The following SERGEF variants were observed in gnomAD, a reference collection of about 807,000 sequenced individuals.
SERGEF encodes the protein secretion-regulating guanine nucleotide exchange factor.
SERGEF carries 51 observed loss-of-function variants against 50.0 expected under a neutral mutation model. The ratio of observed to expected loss-of-function variants is 1.02; its 90% CI spans 0.81 to 1.29. The LOEUF is 1.29. SERGEF is among the 50% of genes most tolerant of loss of function. SERGEF has a pLI of 0.00. For synonymous variants in SERGEF, 205 were observed against 212.4 expected, an observed-to-expected ratio of 0.97 and a Z score of 0.30; for missense variants, 521 against 557.0, an observed-to-expected ratio of 0.94 and a Z score of 0.65.
At chr11:17,804,046 A>G (rs1293988526) in intron 10 of SERGEF, among the ~76,000 whole-genome samples, 2 of 152,196 alleles carry the variant, frequency 1.3e-5, no homozygotes, top group African/African-American at 4.8e-5. Flanking sequence ...AGTGGGGCCT[A>G]TGTTCCTACA....
intron 10 of SERGEF, among the ~76,000 whole-genome samples, chr11:17,876,869 G>A (rs753909242): frequency 7.2e-5 from 11 of 152,224 alleles, no homozygotes; most frequent in South Asian, 2.1e-4. Flanking sequence ...CACCCAGGCC[G>A]AAGCAGTTCC....
chr11:17,791,520 T>C (rs1849484252), intron 10 of SERGEF, among the ~76,000 whole-genome samples: 1 of 152,246 alleles, frequency 6.6e-6, no homozygotes, highest in South Asian at 2.1e-4. Flanking sequence ...TGGACTACCA[T>C]TGAAACAGAA....
chr11:17,911,145 A>C (rs1015327808), intron 9 of SERGEF, among the ~76,000 whole-genome samples: 8 of 152,094 alleles, frequency 5.3e-5, no homozygotes, highest in African/African-American at 1.9e-4. Flanking sequence ...TGTTTTAAGC[A>C]CTTTACCTAC....
intron 10 of SERGEF, chr11:17,855,745 G>A (rs1850805962): frequency 6.6e-6 from 1 of 152,206 alleles, no homozygotes; most frequent in Admixed American, 6.5e-5. Flanking sequence ...GGGAACTACT[G>A]TTCTCCCTCT....
intron 8 of SERGEF, among the ~76,000 whole-genome samples, chr11:17,963,622 G>A (rs1240636897): frequency 6.6e-6 from 1 of 152,058 alleles, no homozygotes; most frequent in Admixed American, 6.6e-5. Flanking sequence ...CTGACCTCAA[G>A]TGATCTGCCT....
chr11:17,844,066 C>A (rs1375090886), intron 10 of SERGEF, among the ~76,000 whole-genome samples: 1 of 152,108 alleles, frequency 6.6e-6, no homozygotes, highest in Non-Finnish European at 1.5e-5. Context: ...ATAGAATAGT[C>A]CAGGTGACTA....
At chr11:17,817,429 G>C (rs188153190) in intron 10 of SERGEF, among the ~76,000 whole-genome samples, 2 of 152,018 alleles carry the variant, frequency 1.3e-5, no homozygotes, top group Non-Finnish European at 2.9e-5. Context: ...TGTTAGCCAG[G>C]ATGGTGTCGA....
chr11:18,005,766 C>T (rs773859193), intron 3 of SERGEF, among the ~76,000 whole-genome samples: 1 of 152,142 alleles, frequency 6.6e-6, no homozygotes, highest in Non-Finnish European at 1.5e-5. Context: ...GTGCATTACT[C>T]TAATAACCCT....
chr11:17,998,526 A>T (rs1217773068), intron 5 of SERGEF, among the ~76,000 whole-genome samples: 2 of 18,574 alleles, frequency 1.1e-4, no homozygotes, highest in East Asian at 6.8e-3. Context: ...ATATATGTTT[A>T]TATGTGTGTG....
At chr11:17,861,816 A>G (rs1039863395) in intron 10 of SERGEF, among the ~76,000 whole-genome samples, 1 of 152,374 alleles carries the variant, frequency 6.6e-6, no homozygotes. Flanking sequence ...ACTGTAAATC[A>G]TGACATCCCC....
chr11:17,934,817 C>T (rs1034417511), intron 9 of SERGEF, among the ~76,000 whole-genome samples: 2 of 152,178 alleles, frequency 1.3e-5, no homozygotes, highest in Non-Finnish European at 2.9e-5. Context: ...AGAAAGAAAA[C>T]TTCATCTACA....
In SERGEF at chr11:17,998,245, C is replaced by T. The variant is rs79962416; in HGVS notation, c.508+2252G>A. On this transcript the variant is annotated intron_variant, in intron 5 of 10. Transcript: ENST00000265965. ...TGGGCAACATACCAAGACCCCATCTCTACAAGAATAAAAATTTTAAAATTA... is the reference window on the plus strand; with the variant it reads ...TGGGCAACATACCAAGACCCCATCTTTACAAGAATAAAAATTTTAAAATTA... Among the ~76,000 whole-genome samples, 37 of 151,364 alleles carry T rather than the reference C, an allele frequency of 2.4e-4. No homozygotes were observed. The East Asian group carries it at 7.2e-3, about 30-fold the overall frequency.
rs925897482 is a variant in SERGEF at position 17,976,456 on chromosome 11, C to A, written c.844+12141G>T. Among the ~76,000 whole-genome samples, 59 of 57,884 alleles carry A rather than the reference C, an allele frequency of 1.0e-3. 1 individual carries two copies. The highest frequency in any genetic ancestry group is 3.2e-3 in the African/African-American group (55 of 16,948). The allele number at this position is 57,884 out of a possible 152,430, so 38.0% of individuals were successfully genotyped here. Reference sequence around the variant, plus strand: ...ATGCACCACCACCTCGGCTAATTTTCATTTTTTTTTTTTTTTTTTTTTTTT... The same window carrying A: ...ATGCACCACCACCTCGGCTAATTTTAATTTTTTTTTTTTTTTTTTTTTTTT... On this transcript the variant is annotated intron_variant, in intron 8 of 10. Coordinates refer to ENST00000265965, the MANE Select transcript of SERGEF (RefSeq NM_012139.4).
At chr11:17,791,327 C>T (rs1441387803) in intron 10 of SERGEF, among the ~76,000 whole-genome samples, 3 of 152,232 alleles carry the variant, frequency 2.0e-5, no homozygotes, top group South Asian at 4.2e-4. Flanking sequence ...TTTTGAAATG[C>T]CTGAGTACTG....
intron 9 of SERGEF, among the ~76,000 whole-genome samples, chr11:17,932,327 G>C (rs1357685200): frequency 1.3e-5 from 2 of 152,058 alleles, no homozygotes; most frequent in Admixed American, 6.6e-5. Flanking sequence ...CACTTCAAAG[G>C]GTGTTCCCAC....
chr11:17,868,136 G>A (rs1266036005), intron 10 of SERGEF, among the ~76,000 whole-genome samples: 1 of 152,168 alleles, frequency 6.6e-6, no homozygotes, highest in Non-Finnish European at 1.5e-5. Flanking sequence ...TTAGAAAAAT[G>A]GGATTTTCTT....
intron 10 of SERGEF, among the ~76,000 whole-genome samples, chr11:17,870,584 T>A (rs1851120736): frequency 6.6e-6 from 1 of 152,218 alleles, no homozygotes; most frequent in Non-Finnish European, 1.5e-5. Context: ...ACCTCAAACT[T>A]GAAGATAATA....
chr11:17,950,347 G>T (rs534408799), intron 9 of SERGEF, among the ~76,000 whole-genome samples: 1 of 152,274 alleles, frequency 6.6e-6, no homozygotes, highest in African/African-American at 2.4e-5. Context: ...GAGAATAGAG[G>T]CTGGGTCTTA....
chr11:17,850,901 C>T (rs904072414), intron 10 of SERGEF, among the ~76,000 whole-genome samples: 1 of 152,062 alleles, frequency 6.6e-6, no homozygotes, highest in Non-Finnish European at 1.5e-5. Context: ...TTCAGTTTTC[C>T]AGAGGTTTCT....
Sources: allele counts gnomAD v4.1 joint callset (sites outside exome capture counted in the v4.1 genomes callset), GRCh38; gene constraint gnomAD v4.1.1; transcripts MANE v1.5; gene names NCBI Gene and HGNC (gene_info 2026-07-23, HGNC 2026-07-21).